PBX4: variants seen among roughly 807,000 people sequenced by gnomAD.
PBX4 encodes the protein pre-B-cell leukemia transcription factor 4.
In PBX4, 26 loss-of-function variants were observed where a neutral mutation model predicts 35.1. That is an observed-to-expected ratio of 0.74 (90% confidence interval 0.54 to 1.03). The LOEUF (loss-of-function observed/expected upper bound fraction) is 1.03. PBX4 is among the 50% of genes least tolerant of loss of function. The probability of loss-of-function intolerance (pLI) is 0.00; values close to 1 mark genes in which losing one functional copy is unlikely to be tolerated. For missense variants in PBX4, 448 were observed against 504.3 expected (o/e 0.89, Z 1.07); for synonymous variants, 199 against 204.2 (o/e 0.97, Z 0.22).
chr19:19,588,352 AG>A, intron 2 of PBX4: 1 of 1,265,504 alleles, frequency 7.9e-7, no homozygotes, highest in Non-Finnish European at 1.2e-6. Context: ...TTTTTCACAC[AG>A]TCATCTGATG....
intron 1 of PBX4, among the ~76,000 whole-genome samples, chr19:19,605,443 T>TAAC (rs1415958858): frequency 7.0e-6 from 1 of 142,338 alleles, no homozygotes; most frequent in African/African-American, 2.5e-5. Flanking sequence ...ATAATAATAA[T>TAAC]AATAACAATA....
At chr19:19,573,132 C>T (rs187015149) in intron 2 of PBX4, among the ~76,000 whole-genome samples, 5 of 151,712 alleles carry the variant, frequency 3.3e-5, no homozygotes, top group African/African-American at 1.2e-4. Context: ...ACAGAGAAAC[C>T]CCATCTCTAC....
At chr19:19,587,592 TA>T (rs34647983) in intron 2 of PBX4, among the ~76,000 whole-genome samples, 1,557 of 90,676 alleles carry the variant, frequency 0.017, 28 homozygotes, top group African/African-American at 0.049. Flanking sequence ...CGTCTCAAAT[TA>T]AAAAAAAAAA....
At chr19:19,612,825 C>T (rs935589401) in intron 1 of PBX4, among the ~76,000 whole-genome samples, 4 of 149,310 alleles carry the variant, frequency 2.7e-5, no homozygotes, top group African/African-American at 9.7e-5. Flanking sequence ...CCCCCCACCA[C>T]ACCATTTAAT....
intron 1 of PBX4, among the ~76,000 whole-genome samples, chr19:19,615,929 A>G (rs1400952446): frequency 1.3e-5 from 2 of 152,040 alleles, no homozygotes; most frequent in African/African-American, 4.8e-5. Context: ...AAATGCATGC[A>G]TTATCCACCT....
chr19:19,618,498 C>T lies in PBX4; in HGVS notation c.119+13G>A. 1 of 1,471,266 alleles carries T rather than the reference C, an allele frequency of 6.8e-7. No homozygotes were observed. Among genetic ancestry groups the T allele is most frequent in the Non-Finnish European group, 9.0e-7 (1 of 1,106,524 alleles). 91.1% of individuals were successfully genotyped at this position (1,471,266 alleles called of 1,614,324 possible). On this transcript the variant is annotated intron_variant, in intron 1 of 7. Transcript: ENST00000251203. Reference sequence around the variant, plus strand: ...CGACCCTGCGTGGCCCCTGCCGAGCCCGCGGGCAGCACCTGGCCTGTGCCT... The same window carrying T: ...CGACCCTGCGTGGCCCCTGCCGAGCTCGCGGGCAGCACCTGGCCTGTGCCT...
rs2061372899 is a variant in PBX4, at chr19:19,570,224, C to A, written c.517G>T (p.Glu173Ter). The change falls in exon 4 of 8, where the codon GAG becomes TAG. Residue 173 changes from glutamate to a stop codon, truncating the protein, a stop_gained. Transcript: ENST00000251203. LOFTEE classifies it high-confidence loss of function. The part of the protein sequence containing the change: ...QSRMRPVSPK[E>*]IERMVGAIHG... ...ATGGCGCCGACCATGCGCTCAATCT[C>A]CTTAGGGGAGACAGGCCTCATCCTG... 1 of 1,614,030 alleles carries A rather than the reference C, an allele frequency of 6.2e-7. No homozygotes were observed. Among genetic ancestry groups the A allele is most frequent in the Non-Finnish European group, 8.5e-7 (1 of 1,180,030 alleles).
Position 19,610,814 on chromosome 19 carries a change from T to G in PBX4, c.119+7697A>C, listed in dbSNP as rs150150474. ...AAAAGTACACCAAAGACAGCAAGAC[T>G]CCTCTGGCACTAGACCAAGTCAAGC... On this transcript the variant is annotated intron_variant, in intron 1 of 7. Transcript: ENST00000251203. 7.1e-3 allele frequency among the ~76,000 whole-genome samples: 1,077 copies of G among 152,114 alleles called. 8 individuals carry two copies. The highest frequency in any genetic ancestry group is 0.01 in the Non-Finnish European group (706 of 68,002).
rs148490707 is a variant in PBX4, at chr19:19,583,398, C to G, written c.194-12565G>C. On this transcript the variant is annotated intron_variant, in intron 2 of 7. Coordinates refer to ENST00000251203, the MANE Select transcript of PBX4 (RefSeq NM_025245.3). ...GGCTGAGGTGGGAAGATCACTTCAGCTCAGGAGTTTGAGAGCAGCCTGGGC... is the reference window on the plus strand; with the variant it reads ...GGCTGAGGTGGGAAGATCACTTCAGGTCAGGAGTTTGAGAGCAGCCTGGGC... Among the ~76,000 whole-genome samples the G allele has an allele frequency of 4.5e-3, 683 of 151,486 alleles. 8 individuals carry two copies. The highest frequency in any genetic ancestry group is 0.015 in the African/African-American group (639 of 41,302).
At chr19:19,605,291 C>G (rs2061623061) in intron 1 of PBX4, among the ~76,000 whole-genome samples, 1 of 151,260 alleles carries the variant, frequency 6.6e-6, no homozygotes, top group Non-Finnish European at 1.5e-5. Context: ...TGGCGCGCAC[C>G]TGTAGTCCCA....
chr19:19,585,180 C>T (rs1032552498), intron 2 of PBX4, among the ~76,000 whole-genome samples: 1 of 151,986 alleles, frequency 6.6e-6, no homozygotes, highest in Non-Finnish European at 1.5e-5. Flanking sequence ...ATAAAATTAG[C>T]TGGGCGTGGT....
chr19:19,570,448 A>G, intron 3 of PBX4, 138 bp downstream of exon 3: 1 of 1,443,960 alleles, frequency 6.9e-7, no homozygotes, highest in Non-Finnish European at 9.4e-7. Flanking sequence ...GCTTTCAGTA[A>G]CAATGGACCA....
intron 5 of PBX4, among the ~76,000 whole-genome samples, chr19:19,567,376 T>A (rs550276616): frequency 6.6e-6 from 1 of 152,324 alleles, no homozygotes; most frequent in African/African-American, 2.4e-5. Context: ...GGGTTCCAAT[T>A]GCTCTCTGTC....
Position 19,597,756 on chromosome 19 carries a change from T to G in PBX4, c.193+1536A>C, listed in dbSNP as rs571343941. ...GTGCAGATGACCCTTGGTTTAAATA[T>G]CTTCATCTTATTTGGTGGCCCCACT... On this transcript the variant is annotated intron_variant, in intron 2 of 7. Transcript: ENST00000251203. Among the ~76,000 whole-genome samples the G allele has an allele frequency of 3.3e-5, 5 of 152,314 alleles. No homozygotes were observed. The South Asian group carries it at 1.0e-3, about 32-fold the overall frequency.
rs190962541 is a variant in PBX4, at chr19:19,572,710, C to T, written c.194-1877G>A. 2.6e-4 allele frequency among the ~76,000 whole-genome samples: 39 copies of T among 151,516 alleles called. No individual in the cohort carries two copies. In the East Asian group the frequency reaches 6.4e-3, roughly 25 times the overall value. ...AGAAACGCCATCTCTACTAATTAGC[C>T]GGGCATGGTGTCGAGTGTCTGTAAT... On this transcript the variant is annotated intron_variant, in intron 2 of 7. Coordinates refer to ENST00000251203, the MANE Select transcript of PBX4 (RefSeq NM_025245.3).
intron 1 of PBX4, among the ~76,000 whole-genome samples, chr19:19,602,520 G>A (rs922869428): frequency 1.3e-5 from 2 of 152,038 alleles, no homozygotes; most frequent in African/African-American, 4.8e-5. Flanking sequence ...TGGCCATGCT[G>A]TGCCCGAACT....
At chr19:19,580,082 C>G (rs1734226795) in intron 2 of PBX4, 1 of 152,240 alleles carries the variant, frequency 6.6e-6, no homozygotes, top group Admixed American at 6.5e-5. Context: ...AAGCCTAGTG[C>G]GCCGACCTGA....
chr19:19,610,714 CA>C (rs1423602314), intron 1 of PBX4, among the ~76,000 whole-genome samples: 1 of 152,092 alleles, frequency 6.6e-6, no homozygotes, highest in South Asian at 2.1e-4. Context: ...GAGATTACGC[CA>C]CTGCACTCCA....
chr19:19,563,729 T>G lies in PBX4; in HGVS notation c.926-114A>C. 1.1e-6 allele frequency: 1 copy of G among 877,332 alleles called. No homozygotes were observed. Among genetic ancestry groups the G allele is most frequent in the South Asian group, 1.4e-5 (1 of 69,896 alleles). 54.3% of individuals were successfully genotyped at this position (877,332 alleles called of 1,614,324 possible). A position where few individuals can be genotyped will look rare whatever the true frequency, so the allele number is the denominator to read the frequency against. ...ATGTGGCTCCTGCCCCTCCTCAGCA[T>G]CCGGCCTCTGCTCCTCAGCCCCCAC... On this transcript the variant is annotated intron_variant, in intron 6 of 7. Coordinates refer to ENST00000251203, the MANE Select transcript of PBX4 (RefSeq NM_025245.3). This position sits in a 1 kb window ranked among gnomAD's most constrained non-coding sequence, Gnocchi z 5.1.
Sources: gnomAD v4.1 joint callset for allele counts (sites outside exome capture counted in the v4.1 genomes callset) on GRCh38, gnomAD v4.1.1 for gene constraint, Gnocchi (gnomAD v3.1) non-coding constraint, MANE v1.5 for transcripts, NCBI Gene and HGNC (gene_info 2026-07-23, HGNC 2026-07-21) for gene names.